The following CCDC178 variants were observed in gnomAD, a reference collection of about 807,000 sequenced individuals.
CCDC178 encodes coiled-coil domain-containing protein 178.
CCDC178 carries 126 observed loss-of-function variants against 117.4 expected under a neutral mutation model. That is an observed-to-expected ratio of 1.07 (90% CI 0.93 to 1.24). The LOEUF is 1.24. CCDC178 is among the 50% of genes most tolerant of loss of function. The pLI, the probability that CCDC178 is intolerant of heterozygous loss-of-function variation, is 0.00. For missense variants in CCDC178, 1,030 were observed against 986.9 expected, an observed-to-expected ratio of 1.04 and a Z score of -0.59; for synonymous variants, 283 against 313.4, an observed-to-expected ratio of 0.90 and a Z score of 1.02.
intron 15 of CCDC178, among the ~76,000 whole-genome samples, chr18:33,244,624 A>G (rs1647125398): frequency 6.6e-6 from 1 of 152,044 alleles, no homozygotes; most frequent in African/African-American, 2.4e-5. Flanking sequence ...CTCCCCAGCC[A>G]TGCAGAACTG....
chr18:33,188,735 G>A (rs2144508790), intron 20 of CCDC178, among the ~76,000 whole-genome samples: 1 of 152,274 alleles, frequency 6.6e-6, no homozygotes, highest in African/African-American at 2.4e-5. Context: ...CTTCCAGTAG[G>A]AAATGCAACT....
chr18:33,212,414 A>G (rs1305765198), intron 19 of CCDC178, among the ~76,000 whole-genome samples: 1 of 152,016 alleles, frequency 6.6e-6, no homozygotes, highest in Non-Finnish European at 1.5e-5. Flanking sequence ...GCTCGAGGAA[A>G]TGAGTGAGAA....
intron 2 of CCDC178, among the ~76,000 whole-genome samples, chr18:33,430,773 T>C (rs2064203052): frequency 2.0e-5 from 3 of 152,148 alleles, no homozygotes; most frequent in Non-Finnish European, 2.9e-5. Context: ...TTAGGTTTAT[T>C]AACTAATCAA....
intron 2 of CCDC178, among the ~76,000 whole-genome samples, chr18:33,413,807 A>G (rs2063892819): frequency 6.6e-6 from 1 of 152,200 alleles, no homozygotes; most frequent in Non-Finnish European, 1.5e-5. Context: ...TGCCAAATGT[A>G]GGTGCCCTGA....
chr18:33,152,073 A>G (rs1339169851), intron 20 of CCDC178, among the ~76,000 whole-genome samples: 2 of 152,316 alleles, frequency 1.3e-5, no homozygotes, highest in East Asian at 3.9e-4. Context: ...AAGCAATTTC[A>G]CAACACTAGG....
intron 21 of CCDC178, among the ~76,000 whole-genome samples, chr18:33,023,799 A>T (rs1306354690): frequency 1.3e-5 from 2 of 152,170 alleles, no homozygotes; most frequent in Non-Finnish European, 2.9e-5. Flanking sequence ...CTCTATCTTC[A>T]ATATATATGT....
chr18:33,205,024 G>A (rs1200620818), intron 20 of CCDC178, among the ~76,000 whole-genome samples: 2 of 151,926 alleles, frequency 1.3e-5, no homozygotes, highest in African/African-American at 4.8e-5. Context: ...TTTGATTTAT[G>A]ACTTTGATAA....
intron 15 of CCDC178, among the ~76,000 whole-genome samples, chr18:33,234,935 A>G (rs1017832107): frequency 3.3e-5 from 5 of 152,300 alleles, no homozygotes; most frequent in African/African-American, 1.2e-4. Context: ...GAATTCTTAT[A>G]GAAGTTGCAT....
chr18:33,138,192 C>T (rs1377891058), intron 20 of CCDC178, among the ~76,000 whole-genome samples: 1 of 152,190 alleles, frequency 6.6e-6, no homozygotes, highest in Non-Finnish European at 1.5e-5. Context: ...GCATTCTAAA[C>T]TTCTGAGAAA....
intron 14 of CCDC178, among the ~76,000 whole-genome samples, chr18:33,252,708 ACT>A (rs1456146280): frequency 6.6e-6 from 1 of 151,706 alleles, no homozygotes; most frequent in African/African-American, 2.4e-5. Flanking sequence ...AAATCACCAC[ACT>A]GTTACTTCTT....
intron 5 of CCDC178, among the ~76,000 whole-genome samples, chr18:33,380,330 C>A (rs1412805995): frequency 6.6e-6 from 1 of 152,212 alleles, no homozygotes; most frequent in Non-Finnish European, 1.5e-5. Context: ...GAAAGCAAAG[C>A]AGTACTCTAA....
chr18:33,124,259 G>A (rs188633985), intron 20 of CCDC178, among the ~76,000 whole-genome samples: 9 of 152,122 alleles, frequency 5.9e-5, no homozygotes, highest in Non-Finnish European at 1.0e-4. Flanking sequence ...ATGCACTATG[G>A]TTTTACAGCA....
intron 11 of CCDC178, among the ~76,000 whole-genome samples, chr18:33,303,182 C>T (rs1022951722): frequency 4.6e-5 from 7 of 151,938 alleles, no homozygotes; most frequent in Non-Finnish European, 8.8e-5. Context: ...CCTATCAAGC[C>T]ATGGAAAGAC....
At chr18:33,159,130 A>C (rs1195717432) in intron 20 of CCDC178, among the ~76,000 whole-genome samples, 1 of 152,130 alleles carries the variant, frequency 6.6e-6, no homozygotes, top group Non-Finnish European at 1.5e-5. Flanking sequence ...TATGGGTCAC[A>C]GTTATACATT....
At chr18:33,285,121 T>A (rs565283863) in intron 12 of CCDC178, among the ~76,000 whole-genome samples, 1 of 152,094 alleles carries the variant, frequency 6.6e-6, no homozygotes, top group East Asian at 1.9e-4. Context: ...TTAAAAATTT[T>A]AAAATCTAAT....
chr18:33,286,602 A>G (rs1183267542), intron 12 of CCDC178, among the ~76,000 whole-genome samples: 1 of 152,206 alleles, frequency 6.6e-6, no homozygotes, highest in African/African-American at 2.4e-5. Flanking sequence ...ACTGTATAAT[A>G]TATAGGCCAA....
At chr18:33,345,003 C>T (rs923325235) in intron 9 of CCDC178, among the ~76,000 whole-genome samples, 14 of 151,906 alleles carry the variant, frequency 9.2e-5, no homozygotes, top group African/African-American at 3.4e-4. Context: ...ATTCATACAC[C>T]CTACTTTGGT....
At chr18:33,001,097 T>C (rs1245481162) in intron 21 of CCDC178, among the ~76,000 whole-genome samples, 1 of 152,228 alleles carries the variant, frequency 6.6e-6, no homozygotes, top group Admixed American at 6.5e-5. Context: ...GAATTTTTAT[T>C]AGTTTTCTCT....
rs963180337 is a variant in CCDC178 at position 33,147,141 on chromosome 18, CT to C, written c.2239-54232del. ...TTAGGCATTATCTGGTAGCTGATTT[CT>C]TTTTTTTTTTTTTTTTTTGTAAGGA... On this transcript the variant is annotated intron_variant, in intron 20 of 22. Coordinates refer to ENST00000383096, the MANE Select transcript of CCDC178 (RefSeq NM_001105528.4). Among the ~76,000 whole-genome samples the C allele has an allele frequency of 8.8e-3, 1,032 of 117,350 alleles. 4 individuals are homozygous for C. The highest frequency in any genetic ancestry group is 0.028 in the African/African-American group (881 of 31,084). 77.0% of individuals were successfully genotyped at this position (117,350 alleles called of 152,430 possible).
Sources: allele counts gnomAD v4.1 joint callset (sites outside exome capture counted in the v4.1 genomes callset), GRCh38; gene constraint gnomAD v4.1.1; transcripts MANE v1.5; gene names NCBI Gene and HGNC (gene_info 2026-07-23, HGNC 2026-07-21).